KIF6: variants seen among roughly 807,000 people sequenced by gnomAD.
KIF6 encodes the protein kinesin family member 6.
In KIF6, 106 loss-of-function variants were observed where a neutral mutation model predicts 112.7. The ratio of observed to expected loss-of-function variants is 0.94; its 90% CI spans 0.80 to 1.11. The LOEUF is 1.11. KIF6 is among the 50% of genes least tolerant of loss of function. The pLI is 0.00. For synonymous variants in KIF6, 339 were observed against 339.9 expected (o/e 1.00, Z 0.03); for missense variants, 929 against 964.0 (o/e 0.96, Z 0.48).
At chr6:39,524,469 C>A (rs942924502) in intron 13 of KIF6, among the ~76,000 whole-genome samples, 13 of 152,080 alleles carry the variant, frequency 8.5e-5, no homozygotes, top group Non-Finnish European at 1.8e-4. Context: ...ATCCAGATAC[C>A]CCTTGAAGAA....
chr6:39,520,781 C>T (rs1225325508), intron 13 of KIF6, among the ~76,000 whole-genome samples: 1 of 152,168 alleles, frequency 6.6e-6, no homozygotes, highest in Non-Finnish European at 1.5e-5. Context: ...CGGCTTCTTG[C>T]TTCCAAGGTG....
intron 4 of KIF6, among the ~76,000 whole-genome samples, chr6:39,635,466 T>G (rs1020224028): frequency 1.3e-5 from 2 of 152,080 alleles, no homozygotes; most frequent in African/African-American, 4.8e-5. Context: ...TAGATAACAA[T>G]GAAAGTGACA....
rs1766687471 is a variant in KIF6 at position 39,378,961 on chromosome 6, T to C, written c.1861+6661A>G. On this transcript the variant is annotated intron_variant, in intron 16 of 22. Coordinates refer to ENST00000287152, the MANE Select transcript of KIF6 (RefSeq NM_145027.6). The surrounding 1 kb of genome is among the most constrained non-coding windows in gnomAD (Gnocchi z 5.0). ...TATGCTTTAATGTCAGGCCTCTAGC[T>C]TTTATAGAGGGTCGATACAAGAATC... Among the ~76,000 whole-genome samples the C allele has an allele frequency of 6.6e-6, 1 of 152,190 alleles. No individual in the cohort carries two copies. The highest frequency in any genetic ancestry group is 2.4e-5 in the African/African-American group (1 of 41,440).
chr6:39,465,662 G>A (rs186258252), intron 13 of KIF6, among the ~76,000 whole-genome samples: 1 of 152,206 alleles, frequency 6.6e-6, no homozygotes, highest in Non-Finnish European at 1.5e-5. Context: ...TACTTTCAGA[G>A]GTTCCCCAGT....
rs149370450 is a variant in KIF6 at position 39,709,078 on chromosome 6, G to T, written c.251+5614C>A. Among the ~76,000 whole-genome samples, 66 of 152,262 alleles carry T rather than the reference G, an allele frequency of 4.3e-4. No homozygotes were observed. The East Asian group carries it at 0.011, about 26-fold the overall frequency. ...ACCCAAATAGATTTCAAAGACACCT[G>T]AGATTAGAAGAGGCATCATGATGAA... On this transcript the variant is annotated intron_variant, in intron 3 of 22. Coordinates refer to ENST00000287152, the MANE Select transcript of KIF6 (RefSeq NM_145027.6).
intron 3 of KIF6, among the ~76,000 whole-genome samples, chr6:39,675,885 G>A (rs1176007886): frequency 6.6e-6 from 1 of 151,866 alleles, no homozygotes; most frequent in African/African-American, 2.4e-5. Flanking sequence ...GTGAGAAAAG[G>A]CTTAATGAAC....
chr6:39,653,422 T>C (rs941535055), intron 3 of KIF6, among the ~76,000 whole-genome samples: 1 of 152,198 alleles, frequency 6.6e-6, no homozygotes, highest in African/African-American at 2.4e-5. Flanking sequence ...ATTACTAATC[T>C]TTTTAAGGTT....
intron 13 of KIF6, among the ~76,000 whole-genome samples, chr6:39,517,172 T>C (rs1434140659): frequency 6.6e-6 from 1 of 152,192 alleles, no homozygotes; most frequent in Admixed American, 6.5e-5. Context: ...ATGATTGCTA[T>C]GCCCAGCTTA....
chr6:39,455,542 G>A (rs1011571910), intron 13 of KIF6, among the ~76,000 whole-genome samples: 3 of 152,144 alleles, frequency 2.0e-5, no homozygotes, highest in African/African-American at 7.2e-5. Flanking sequence ...CGAGCTGAAG[G>A]AAGAAGGCTT....
intron 15 of KIF6, among the ~76,000 whole-genome samples, chr6:39,403,167 AC>A (rs1768829605): frequency 6.6e-6 from 1 of 152,118 alleles, no homozygotes; most frequent in Non-Finnish European, 1.5e-5. Flanking sequence ...GTGGATTCAT[AC>A]TGTTTTATTT....
chr6:39,447,636 G>T (rs749966867), intron 13 of KIF6, among the ~76,000 whole-genome samples: 4 of 142,292 alleles, frequency 2.8e-5, no homozygotes, highest in Non-Finnish European at 4.5e-5. Context: ...AGAACACTTA[G>T]ACACTTGGGG....
At chr6:39,507,666 TCC>T (rs1776509562) in intron 13 of KIF6, among the ~76,000 whole-genome samples, 2 of 136,906 alleles carry the variant, frequency 1.5e-5, no homozygotes, top group African/African-American at 5.6e-5. Context: ...CTTCCTTCCT[TCC>T]TTCCTTCCTT....
intron 14 of KIF6, among the ~76,000 whole-genome samples, chr6:39,425,937 TA>T (rs1210852490): frequency 6.6e-6 from 1 of 152,226 alleles, no homozygotes; most frequent in Non-Finnish European, 1.5e-5. Context: ...CTGTTGGTTT[TA>T]GATGGCTGTT....
chr6:39,721,487 G>A (rs899670209), intron 1 of KIF6, among the ~76,000 whole-genome samples: 4 of 152,092 alleles, frequency 2.6e-5, no homozygotes, highest in Non-Finnish European at 5.9e-5. Context: ...AACACCCTTA[G>A]GACTGTAACA....
intron 17 of KIF6, among the ~76,000 whole-genome samples, chr6:39,361,102 G>A (rs749432031): frequency 4.6e-5 from 7 of 152,120 alleles, no homozygotes; most frequent in African/African-American, 9.7e-5. Flanking sequence ...GCTTATGAAC[G>A]CATACATATA....
chr6:39,590,216 G>T (rs1038724383), intron 7 of KIF6, among the ~76,000 whole-genome samples: 6 of 152,116 alleles, frequency 3.9e-5, no homozygotes, highest in African/African-American at 1.4e-4. Context: ...TGGGCTGACA[G>T]TTGTGCAGAC....
chr6:39,589,439 C>T (rs1415793027), intron 7 of KIF6, among the ~76,000 whole-genome samples: 1 of 152,300 alleles, frequency 6.6e-6, no homozygotes, highest in East Asian at 1.9e-4. Context: ...CTTCATAGCT[C>T]GACCCCCACT....
intron 3 of KIF6, among the ~76,000 whole-genome samples, chr6:39,686,312 C>T (rs1787865520): frequency 6.6e-6 from 1 of 151,998 alleles, no homozygotes; most frequent in Non-Finnish European, 1.5e-5. Flanking sequence ...CCAGAATTAC[C>T]CCTTTTATTT....
chr6:39,569,839 A>G (rs1780544883), intron 10 of KIF6, among the ~76,000 whole-genome samples: 1 of 152,214 alleles, frequency 6.6e-6, no homozygotes, highest in Non-Finnish European at 1.5e-5. Context: ...GGGATTATTT[A>G]GTTTGTCTCT....
Sources: allele counts gnomAD v4.1 joint callset (sites outside exome capture counted in the v4.1 genomes callset), GRCh38; gene constraint gnomAD v4.1.1; non-coding constraint Gnocchi (gnomAD v3.1); transcripts MANE v1.5; gene names NCBI Gene and HGNC (gene_info 2026-07-23, HGNC 2026-07-21).